ERBB4: variants seen among roughly 807,000 people sequenced by gnomAD.
The protein encoded by ERBB4 is erb-b2 receptor tyrosine kinase 4.
A neutral mutation model predicts 158.0 loss-of-function variants in ERBB4; 42 were observed. The ratio of observed to expected loss-of-function variants is 0.27; its 90% CI spans 0.21 to 0.34. The LOEUF is 0.34. ERBB4 is among the 10% of genes least tolerant of loss of function. The probability of loss-of-function intolerance (pLI) is 1.00; values close to 1 mark genes in which losing one functional copy is unlikely to be tolerated. For synonymous variants in ERBB4, 583 were observed against 558.7 expected, an observed-to-expected ratio of 1.04 and a Z score of -0.61; for missense variants, 1,333 against 1,624.1, an observed-to-expected ratio of 0.82 and a Z score of 3.08.
At chr2:211,541,204 C>G (rs770825312) in intron 20 of ERBB4, among the ~76,000 whole-genome samples, 1 of 151,884 alleles carries the variant, frequency 6.6e-6, no homozygotes, top group Admixed American at 6.6e-5. Context: ...TATGCTATTT[C>G]CTCATAGAGC....
Position 212,020,032 on chromosome 2 carries a change from A to T in ERBB4, c.235-72416T>A, listed in dbSNP as rs568826773. On this transcript the variant is annotated intron_variant, in intron 2 of 27. Transcript: ENST00000342788. The stretch of plus-strand genomic sequence containing the variant: ...AAAGTATAATTTCTAGAAACAGAAA[A>T]ATGATTCTTATGTAGATACTCATAG... Among the ~76,000 whole-genome samples the T allele has an allele frequency of 2.0e-5, 3 of 152,194 alleles. No individual in the cohort carries two copies. The South Asian group carries it at 6.2e-4, about 32-fold the overall frequency.
At chr2:211,553,908 T>C (rs974179048) in intron 20 of ERBB4, among the ~76,000 whole-genome samples, 1 of 152,234 alleles carries the variant, frequency 6.6e-6, no homozygotes, top group African/African-American at 2.4e-5. Flanking sequence ...ATTTCAATAG[T>C]TAAAACATTG....
chr2:211,939,662 T>C (rs778227249), intron 3 of ERBB4, among the ~76,000 whole-genome samples: 4 of 152,116 alleles, frequency 2.6e-5, no homozygotes, highest in Non-Finnish European at 5.9e-5. Context: ...AATATAGATT[T>C]GGTGGCCGGG....
chr2:211,867,012 A>T (rs2078224849), intron 3 of ERBB4, among the ~76,000 whole-genome samples: 1 of 110,534 alleles, frequency 9.0e-6, no homozygotes, highest in African/African-American at 3.7e-5. Flanking sequence ...TAAACTCTCC[A>T]TTCCTTAAAA....
At chr2:212,140,206 A>T (rs2080406856) in intron 1 of ERBB4, among the ~76,000 whole-genome samples, 1 of 151,242 alleles carries the variant, frequency 6.6e-6, no homozygotes, top group Non-Finnish European at 1.5e-5. Context: ...ATAACCCTTA[A>T]AACAGTCAAT....
Position 211,381,384 on chromosome 2 carries a change from A to G in ERBB4, c.*2231T>C, listed in dbSNP as rs1287913202. 4.3e-6 allele frequency: 1 copy of G among 232,122 alleles called. No homozygotes were observed. The highest frequency in any genetic ancestry group is 8.5e-6 in the Non-Finnish European group (1 of 117,408). 14.4% of individuals were successfully genotyped at this position (232,122 alleles called of 1,614,324 possible). The stretch of plus-strand genomic sequence containing the variant: ...GACCAGTTTATGTTTGAATAATATT[A>G]TTGAAATTATCCTGTTTGTCAACAT... On this transcript the variant is annotated 3_prime_UTR_variant, in exon 28 of 28. Transcript: ENST00000342788.
At chr2:212,056,629 T>C (rs112563769) in intron 2 of ERBB4, among the ~76,000 whole-genome samples, 12,224 of 152,234 alleles carry the variant, frequency 0.08, 696 homozygotes, top group Non-Finnish European at 0.12. Context: ...ATATTCAACA[T>C]TCTTAAAGAA....
At chr2:211,520,179 C>T (rs892491071) in intron 20 of ERBB4, among the ~76,000 whole-genome samples, 1 of 151,988 alleles carries the variant, frequency 6.6e-6, no homozygotes, top group African/African-American at 2.4e-5. Flanking sequence ...AAAGTCCATC[C>T]CAGTTCATTC....
intron 3 of ERBB4, among the ~76,000 whole-genome samples, chr2:211,828,220 A>C (rs1359097437): frequency 6.6e-6 from 1 of 152,172 alleles, no homozygotes; most frequent in Non-Finnish European, 1.5e-5. Context: ...GTATTTCCTC[A>C]ATATCATATT....
At chr2:212,291,683 A>C (rs1012282722) in intron 1 of ERBB4, among the ~76,000 whole-genome samples, 1 of 152,064 alleles carries the variant, frequency 6.6e-6, no homozygotes, top group African/African-American at 2.4e-5. Context: ...TTTGATGAAC[A>C]TTAGAGATTT....
At position 211,613,668 on chromosome 2, in the gene ERBB4, C is replaced by T. The variant is rs116745567; in HGVS notation, c.2301+5509G>A. 6.7e-3 allele frequency among the ~76,000 whole-genome samples: 1,018 copies of T among 152,088 alleles called. 11 individuals carry two copies. Among genetic ancestry groups the T allele is most frequent in the African/African-American group, 0.023 (956 of 41,518 alleles). ...TGTCAAATAGGCATATGAAAAGGTG[C>T]TCAATATCACTGATCATCAGAGAGC... On this transcript the variant is annotated intron_variant, in intron 19 of 27. Transcript: ENST00000342788.
chr2:211,995,333 T>C (rs560157660), intron 2 of ERBB4, among the ~76,000 whole-genome samples: 1 of 152,348 alleles, frequency 6.6e-6, no homozygotes, highest in South Asian at 2.1e-4. Flanking sequence ...GAACTCTAAT[T>C]GATGATTGCA....
At position 212,351,163 on chromosome 2, in the gene ERBB4, C is replaced by A. The variant is rs576273115; in HGVS notation, c.82+187286G>T. Among the ~76,000 whole-genome samples the A allele has an allele frequency of 5.0e-4, 76 of 152,162 alleles. 1 individual carries two copies. The South Asian group carries it at 0.014, about 29-fold the overall frequency. ...GCCATTAGGGTGGGTCCTAATCAAA[C>A]CTGACAGGTGTCCTTATAAGGAGAA... On this transcript the variant is annotated intron_variant, in intron 1 of 27. Transcript: ENST00000342788.
chr2:211,994,159 C>T (rs998145563), intron 2 of ERBB4, among the ~76,000 whole-genome samples: 17 of 152,124 alleles, frequency 1.1e-4, no homozygotes, highest in African/African-American at 2.9e-4. Flanking sequence ...CAAGCAGGTT[C>T]TCAGTCTGTC....
intron 3 of ERBB4, among the ~76,000 whole-genome samples, chr2:211,913,049 C>T (rs1004734003): frequency 6.6e-6 from 1 of 152,116 alleles, no homozygotes; most frequent in Non-Finnish European, 1.5e-5. Context: ...ATATAAGCTT[C>T]TGTACCTCAT....
At chr2:211,558,302 C>T (rs891676012) in intron 20 of ERBB4, among the ~76,000 whole-genome samples, 5 of 152,038 alleles carry the variant, frequency 3.3e-5, no homozygotes, top group Non-Finnish European at 5.9e-5. Flanking sequence ...ATGCATGGTC[C>T]CTTCCTCCAT....
chr2:212,374,529 A>G (rs1021850740), intron 1 of ERBB4, among the ~76,000 whole-genome samples: 3 of 152,080 alleles, frequency 2.0e-5, no homozygotes, highest in East Asian at 3.9e-4. Context: ...CATTTCTTTC[A>G]AAGTCATCAT....
chr2:211,983,333 G>A (rs562695611), intron 2 of ERBB4, among the ~76,000 whole-genome samples: 1 of 152,124 alleles, frequency 6.6e-6, no homozygotes, highest in Non-Finnish European at 1.5e-5. Context: ...AAGAATGAAG[G>A]CTGGTTGACT....
intron 1 of ERBB4, among the ~76,000 whole-genome samples, chr2:212,228,238 T>G (rs890323470): frequency 6.6e-6 from 1 of 152,156 alleles, no homozygotes; most frequent in Admixed American, 6.6e-5. Context: ...GATAATCATC[T>G]AAAAACTTCT....
Sources: gnomAD v4.1 joint callset for allele counts (sites outside exome capture counted in the v4.1 genomes callset) on GRCh38, gnomAD v4.1.1 for gene constraint, MANE v1.5 for transcripts, NCBI Gene and HGNC (gene_info 2026-07-23, HGNC 2026-07-21) for gene names.